ANKLE2: variants seen among roughly 807,000 people sequenced by gnomAD.
The protein encoded by ANKLE2 is ankyrin repeat and LEM domain-containing protein 2.
In ANKLE2, 55 loss-of-function variants were observed where a neutral mutation model predicts 84.2. That is an observed-to-expected ratio of 0.65 (90% CI 0.53 to 0.82). ANKLE2 has a LOEUF of 0.82. Ranked by LOEUF, ANKLE2 falls within the 40% of genes least tolerant of loss-of-function variation. The pLI is 0.00. For missense variants in ANKLE2, 1,238 were observed against 1,201.9 expected (o/e 1.03, Z -0.44); for synonymous variants, 551 against 486.1 (o/e 1.13, Z -1.76).
At position 132,728,290 on chromosome 12, in the gene ANKLE2, C is replaced by T. The variant is rs984437972; in HGVS notation, c.2484-127G>A. 2.1e-5 allele frequency: 25 copies of T among 1,206,196 alleles called. No homozygotes were observed. The East Asian group carries it at 4.3e-4, about 21-fold the overall frequency. 74.7% of individuals were successfully genotyped at this position (1,206,196 alleles called of 1,614,324 possible). On this transcript the variant is annotated intron_variant, in intron 11 of 12. Transcript: ENST00000357997. ...TGTCGCCCAGGCTGGAATGCAGTGG[C>T]GTGATCTCGGCTCATCGCAAGCTCC...
At chr12:132,747,044 G>C (rs73157027) in intron 5 of ANKLE2, among the ~76,000 whole-genome samples, 1 of 152,186 alleles carries the variant, frequency 6.6e-6, no homozygotes, top group Non-Finnish European at 1.5e-5. Context: ...GGCCTGGCCC[G>C]GGGGGCACTC....
chr12:132,758,022 A>G (rs187893906), intron 1 of ANKLE2: 1 of 152,290 alleles, frequency 6.6e-6, no homozygotes, highest in African/African-American at 2.4e-5. Context: ...AGATATACAT[A>G]AACAAAAGGG....
intron 6 of ANKLE2, chr12:132,741,766 A>G (rs1184811875): frequency 1.8e-6 from 1 of 565,310 alleles, no homozygotes; most frequent in Non-Finnish European, 3.3e-6. Flanking sequence ...AAAAGGTACC[A>G]GCGCATCGAG....
rs943427115 is a variant in ANKLE2, at chr12:132,725,552, C to T, written c.*1690G>A. The T allele has an allele frequency of 6.6e-6, 1 of 152,200 alleles. No homozygotes were observed. Among genetic ancestry groups the T allele is most frequent in the Non-Finnish European group, 1.5e-5 (1 of 68,042 alleles). 9.4% of individuals were successfully genotyped at this position (152,200 alleles called of 1,614,324 possible). On this transcript the variant is annotated 3_prime_UTR_variant, in exon 13 of 13. Coordinates refer to ENST00000357997, the MANE Select transcript of ANKLE2 (RefSeq NM_015114.3). Reference sequence around the variant, plus strand: ...GTGTTTTGTGAAGGACATAACCCCCCGGGACACACGAGAATGCCTCCGTTG... The same window carrying T: ...GTGTTTTGTGAAGGACATAACCCCCTGGGACACACGAGAATGCCTCCGTTG...
At chr12:132,752,844 A>G (rs779861742) in intron 2 of ANKLE2, among the ~76,000 whole-genome samples, 20 of 151,912 alleles carry the variant, frequency 1.3e-4, no homozygotes, top group Non-Finnish European at 1.9e-4. Flanking sequence ...CTTTTTTCCA[A>G]TGCTAAATCT....
chr12:132,753,763 C>A (rs898337163), intron 2 of ANKLE2, among the ~76,000 whole-genome samples: 4 of 149,826 alleles, frequency 2.7e-5, no homozygotes, highest in South Asian at 2.1e-4. Context: ...CAAAACAAAA[C>A]AAAAAAAAAC....
chr12:132,730,648 C>T (rs1051208184), intron 10 of ANKLE2: 4 of 228,386 alleles, frequency 1.8e-5, no homozygotes, highest in East Asian at 7.9e-5. Flanking sequence ...ATAGCGAAAC[C>T]CCGTTCTCTA....
In ANKLE2 at chr12:132,747,949, CAG is replaced by C. The variant is rs1350215656; in HGVS notation, c.1111_1112del (p.Leu371GlyfsTer7). The C allele has an allele frequency of 1.9e-6, 3 of 1,600,358 alleles. No individual in the cohort carries two copies. The highest frequency in any genetic ancestry group is 2.2e-5 in the East Asian group (1 of 44,846). The stretch of plus-strand genomic sequence containing the variant: ...TGAAGTCAGGGTTCTCCAGGACGTC[CAG>C]AGTCAGCTGGCAGATGGAAGCCTGG... ...ENQASICQLTLDVLENPDFMR... is the reference protein window; with the variant it reads ...ENQASICQLTXDVLENPDFMR... On this transcript the variant is annotated frameshift_variant, in exon 5 of 13. Transcript: ENST00000357997. LOFTEE classifies it high-confidence loss of function.
chr12:132,748,362 T>A, intron 3 of ANKLE2, 31 bp from the exon 4 acceptor site: 2 of 1,612,276 alleles, frequency 1.2e-6, no homozygotes, highest in East Asian at 2.2e-5. Context: ...TTAAGAACAA[T>A]CAGTTTCACC....
At chr12:132,746,061 G>A (rs536164256) in intron 5 of ANKLE2, among the ~76,000 whole-genome samples, 25 of 152,262 alleles carry the variant, frequency 1.6e-4, no homozygotes, top group African/African-American at 5.3e-4. Context: ...TAAGAATCAC[G>A]TTAGTGGCCA....
At chr12:132,729,658 C>A in intron 11 of ANKLE2, 21 bp downstream of exon 11, 1 of 1,473,892 alleles carries the variant, frequency 6.8e-7, no homozygotes. Flanking sequence ...AAAGTGAGTG[C>A]AGAGGGCAAC....
chr12:132,741,545 A>G, intron 6 of ANKLE2, 60 bp from the exon 7 acceptor site: 1 of 1,504,428 alleles, frequency 6.6e-7, no homozygotes, highest in Non-Finnish European at 9.2e-7. Context: ...TTATCATTAC[A>G]ATGATTTCAG....
rs764142764 is a variant in ANKLE2 at position 132,748,179 on chromosome 12, G to C, written c.1000C>G (p.Arg334Gly). ...TFSDLIWSNP[R>G]YLIGSGDNPT... Reference sequence around the variant, plus strand: ...TTGTCTCCTGAGCCTATCAGATACCGGGGGTTGCTCCAGATAAGGTCAGAA... The same window carrying C: ...TTGTCTCCTGAGCCTATCAGATACCCGGGGTTGCTCCAGATAAGGTCAGAA... Residue 334 changes from arginine (R) to glycine (G), a missense_variant, in exon 4 of 13, where the codon CGG becomes GGG. Physicochemically the swap from Arg to Gly is moderately radical, Grantham distance 125. Coordinates refer to ENST00000357997, the MANE Select transcript of ANKLE2 (RefSeq NM_015114.3). 20 of 1,613,688 alleles carry C rather than the reference G, an allele frequency of 1.2e-5. No homozygotes were observed. The highest frequency in any genetic ancestry group is 2.7e-5 in the African/African-American group (2 of 74,842).
rs1402882799 is a variant in ANKLE2 at position 132,735,515 on chromosome 12, A to G, written c.1594-3T>C. 5.0e-6 allele frequency: 8 copies of G among 1,610,444 alleles called. No homozygotes were observed. In the African/African-American group the frequency reaches 9.4e-5, roughly 19 times the overall value. ...CAGAGCTTGCGAAAATCTTCTGCCT[A>G]TGAAGAAAAAAAAATGTATTGAGCC... On this transcript the variant is annotated splice_region_variant and splice_polypyrimidine_tract_variant and intron_variant, in intron 8 of 12. Coordinates refer to ENST00000357997, the MANE Select transcript of ANKLE2 (RefSeq NM_015114.3).
At chr12:132,731,962 GCGTCCTGGTGTCT>G (rs2043858781) in intron 10 of ANKLE2, 1 of 149,286 alleles carries the variant, frequency 6.7e-6, no homozygotes. Flanking sequence ...GAAGCGCTCT[GCGTCCTGGTGTCT>G]CATATGCACC....
intron 10 of ANKLE2, chr12:132,732,316 T>C (rs1311622898): frequency 5.1e-5 from 7 of 136,934 alleles, no homozygotes; most frequent in African/African-American, 1.7e-4. Context: ...CTCTGCGTCC[T>C]GGTGTCTGAT....
Position 132,754,818 on chromosome 12 carries a change from G to A in ANKLE2, c.497C>T (p.Pro166Leu). The A allele has an allele frequency of 1.2e-6, 2 of 1,614,112 alleles. No individual in the cohort carries two copies. The highest frequency in any genetic ancestry group is 8.5e-7 in the Non-Finnish European group (1 of 1,180,028). Residue 166 changes from proline to leucine, a missense_variant, in exon 2 of 13, where the codon CCA (proline) becomes CTA (leucine). Pro to Leu is a moderately conservative substitution (Grantham distance 98). This residue lies in a region of ANKLE2 where 422 missense variants were observed against 394.5 expected (regional missense o/e 1.07). Transcript: ENST00000357997. ...DFGYSVGLNP[P>L]EEEAVTSKTC... ...CTTGGATGTCACAGCTTCCTCCTCT[G>A]GAGGATTCAGGCCCACACTGTAACC...
rs1448334033 is a variant in ANKLE2, at chr12:132,754,725, G to A, written c.590C>T (p.Pro197Leu). The part of the protein sequence containing the change: ...RAGATASKEP[P>L]LYYGVCPVYE... ...CACTGGACACACCCCATAGTACAGG[G>A]GCGGCTCCTTAGACGCAGTCGCTCC... is the stretch of plus-strand genomic sequence containing the variant. The change falls in exon 2 of 13, where the codon CCC (proline) becomes CTC (leucine). Residue 197 changes from proline (P) to leucine (L), a missense_variant. Physicochemically the swap from Pro to Leu is moderately conservative, Grantham distance 98. This residue lies in a region of ANKLE2 where 422 missense variants were observed against 394.5 expected (regional missense o/e 1.07). Coordinates refer to ENST00000357997, the MANE Select transcript of ANKLE2 (RefSeq NM_015114.3). 6.2e-7 allele frequency: 1 copy of A among 1,613,982 alleles called. No homozygotes were observed. Among genetic ancestry groups the A allele is most frequent in the Non-Finnish European group, 8.5e-7 (1 of 1,180,016 alleles).
rs371688595 is a variant in ANKLE2 at position 132,727,355 on chromosome 12, C to T, written c.2704G>A (p.Val902Met). 6.1e-5 allele frequency: 96 copies of T among 1,561,790 alleles called. 4 individuals carry two copies. In the South Asian group the frequency reaches 8.5e-4, roughly 14 times the overall value. The change falls in exon 13 of 13, where the codon GTG becomes ATG. Residue 902 changes from valine (V) to methionine (M), a missense_variant. By Grantham distance (21) the Val-to-Met change is conservative (BLOSUM62 1). Around this residue, in one of 3 missense-constraint regions of ANKLE2, gnomAD observed 802 missense variants for 774.5 expected, o/e 1.04. Transcript: ENST00000357997. ...GGCTTTGCGGGGTTGCTTCCAGCCA[C>T]GCTGTTTCTCCCCGGACTGTAGCTG... ...PHSYSPGRNS[V>M]AGSNPAKPGL...
Sources: gnomAD v4.1 joint callset for allele counts (sites outside exome capture counted in the v4.1 genomes callset) on GRCh38, gnomAD v4.1.1 for gene constraint, gnomAD v4.1.1 regional missense constraint, MANE v1.5 for transcripts, NCBI Gene and HGNC (gene_info 2026-07-23, HGNC 2026-07-21) for gene names.